PRG2: variants seen among roughly 807,000 people sequenced by gnomAD.
PRG2 encodes the protein bone marrow proteoglycan.
A neutral mutation model predicts 24.7 loss-of-function variants in PRG2; 23 were observed. That is an observed-to-expected ratio of 0.93 (90% CI 0.67 to 1.32). PRG2 has a LOEUF of 1.32. PRG2 is among the 40% of genes most tolerant of loss of function. The pLI is 0.00. For missense variants in PRG2, 271 were observed against 280.9 expected, an observed-to-expected ratio of 0.96 and a Z score of 0.25; for synonymous variants, 104 against 99.8, an observed-to-expected ratio of 1.04 and a Z score of -0.25.
intron 2 of PRG2, 126 bp downstream of exon 2, chr11:57,389,761 T>C (rs1590658683): frequency 1.1e-6 from 1 of 886,726 alleles, no homozygotes; most frequent in East Asian, 2.6e-5. Context: ...TCCCCATCCC[T>C]TTAAGCACAC....
At position 57,388,638 on chromosome 11, in the gene PRG2, T is replaced by C. The variant is rs977279203; in HGVS notation, c.437A>G (p.Gln146Arg). The C allele has an allele frequency of 1.2e-6, 2 of 1,613,932 alleles. No homozygotes were observed. Among genetic ancestry groups the C allele is most frequent in the African/African-American group, 2.7e-5 (2 of 74,916 alleles). The change falls in exon 4 of 6, where the codon CAG becomes CGG. Residue 146 changes from glutamine (Q) to arginine (R), a missense_variant. Transcript: ENST00000311862. ...IHNFNINYRI[Q>R]CSVSALNQGQ... ...CTGGTTGAGCGCGCTGACAGAACAC[T>C]GGATTCGATAATTAATATTGAAGTT... is the stretch of plus-strand genomic sequence containing the variant.
Position 57,389,251 on chromosome 11 carries a change from G to T in PRG2, c.125C>A (p.Pro42Gln), listed in dbSNP as rs372275680. 2 of 1,614,112 alleles carry T rather than the reference G, an allele frequency of 1.2e-6. No homozygotes were observed. The highest frequency in any genetic ancestry group is 2.2e-5 in the South Asian group (2 of 91,074). The part of the protein sequence containing the change: ...AKTLPEDEET[P>Q]EQEMEETPCR... ...AGGGGTCTCCTCCATCTCCTGCTCT[G>T]GTGTCTCCTCATCCTCAGGCAGCGT... The change falls in exon 3 of 6, where the codon CCA (proline) becomes CAA (glutamine). Residue 42 changes from proline (P) to glutamine (Q), a missense_variant. Pro to Gln is a moderately conservative substitution (Grantham distance 76, BLOSUM62 -1). Coordinates refer to ENST00000311862, the MANE Select transcript of PRG2 (RefSeq NM_002728.6).
At chr11:57,388,496 A>G (rs1013987922) in intron 4 of PRG2, 81 bp downstream of exon 4, 23 of 1,578,282 alleles carry the variant, frequency 1.5e-5, no homozygotes, top group African/African-American at 1.2e-4. Flanking sequence ...TATACAGGAG[A>G]AAAACAGACA....
chr11:57,388,605 A>C lies in PRG2; in HGVS notation c.470T>G (p.Val157Gly). The C allele has an allele frequency of 6.2e-7, 1 of 1,613,918 alleles. No homozygotes were observed. Among genetic ancestry groups the C allele is most frequent in the Non-Finnish European group, 8.5e-7 (1 of 1,179,864 alleles). Residue 157 changes from valine to glycine, a missense_variant, in exon 4 of 6, where the codon GTC (valine) becomes GGC (glycine). Physicochemically the swap from Val to Gly is moderately radical, Grantham distance 109 (BLOSUM62 -3). Coordinates refer to ENST00000311862, the MANE Select transcript of PRG2 (RefSeq NM_002728.6). ...CSVSALNQGQ[V>G]WIGGRITGSG... ...GCCTGTGATCCTGCCTCCAATCCAG[A>C]CTTGACCCTGGTTGAGCGCGCTGAC...
In PRG2 at chr11:57,387,786, CG is replaced by C; in HGVS notation, c.577del (p.Arg193AlafsTer99). The C allele has an allele frequency of 6.3e-7, 1 of 1,592,608 alleles. No homozygotes were observed. Among genetic ancestry groups the C allele is most frequent in the South Asian group, 1.1e-5 (1 of 87,140 alleles). On this transcript the variant is annotated frameshift_variant, in exon 5 of 6. Transcript: ENST00000311862. LOFTEE classifies it low-confidence loss of function (END_TRUNC). ...ACACAGGGCCACGCAGTGACCACCG[CG>C]GGACCAGGGCTGGTGAGCAGCCCAG... ...AYWAAHQPWS[R>X]GGHCVALCTR... is the part of the protein sequence containing the mutation.
At chr11:57,389,377 C>A in intron 2 of PRG2, 60 bp from the exon 3 acceptor site, 1 of 1,530,704 alleles carries the variant, frequency 6.5e-7, no homozygotes, top group African/African-American at 1.4e-5. Flanking sequence ...CTCCCCAGAA[C>A]CACAGACAGC....
At chr11:57,389,419 ACT>A (rs1310721223) in intron 2 of PRG2, 102 bp from the exon 3 acceptor site, 1 of 1,300,656 alleles carries the variant, frequency 7.7e-7, no homozygotes, top group Non-Finnish European at 1.0e-6. Context: ...AGAGTGCTCA[ACT>A]CTGCCTGGGA....
At position 57,389,275 on chromosome 11, in the gene PRG2, G is replaced by C. The variant is rs373649120; in HGVS notation, c.101C>G (p.Thr34Arg). 1 of 1,613,850 alleles carries C rather than the reference G, an allele frequency of 6.2e-7. No homozygotes were observed. The highest frequency in any genetic ancestry group is 8.5e-7 in the Non-Finnish European group (1 of 1,180,034). ...TGGTGTCTCCTCATCCTCAGGCAGC[G>C]TCTTAGCACCCAAAGGGGTCTCAAA... Reference protein sequence around the residue: ...STFETPLGAKTLPEDEETPEQ... With the variant: ...STFETPLGAKRLPEDEETPEQ... The change falls in exon 3 of 6, where the codon ACG becomes AGG. Residue 34 changes from threonine (T) to arginine (R), a missense_variant. Coordinates refer to ENST00000311862, the MANE Select transcript of PRG2 (RefSeq NM_002728.6).
intron 2 of PRG2, 27 bp downstream of exon 2, chr11:57,389,860 G>GA (rs1857123924): frequency 6.3e-7 from 1 of 1,578,598 alleles, no homozygotes; most frequent in Admixed American, 1.7e-5. Flanking sequence ...AACAGAGAAA[G>GA]AAAGACTGAA....
intron 3 of PRG2, 113 bp from the exon 4 acceptor site, chr11:57,388,821 T>C (rs1857099964): frequency 6.0e-6 from 9 of 1,495,090 alleles, no homozygotes; most frequent in Admixed American, 2.0e-5. Flanking sequence ...CATTTGAAGG[T>C]TGGAGACCAA....
chr11:57,389,081 C>T lies in PRG2; in HGVS notation c.295G>A (p.Val99Met). The T allele has an allele frequency of 6.2e-7, 1 of 1,614,182 alleles. No individual in the cohort carries two copies. Among genetic ancestry groups the T allele is most frequent in the Non-Finnish European group, 8.5e-7 (1 of 1,180,028 alleles). ...CPEEEDTVKV[V>M]GIPGCQTCRY... ...CAGGTCTGGCACCCAGGGATGCCCACCACTTTTACTGTGTCCTCTTCCTCA... is the reference window on the plus strand; with the variant it reads ...CAGGTCTGGCACCCAGGGATGCCCATCACTTTTACTGTGTCCTCTTCCTCA... Residue 99 changes from valine to methionine, a missense_variant, in exon 3 of 6, where the codon GTG becomes ATG. By Grantham distance (21) the Val-to-Met change is conservative. Coordinates refer to ENST00000311862, the MANE Select transcript of PRG2 (RefSeq NM_002728.6).
In PRG2 at chr11:57,388,612, C is replaced by A; in HGVS notation, c.463G>T (p.Gly155Cys). The A allele has an allele frequency of 6.2e-7, 1 of 1,613,862 alleles. No individual in the cohort carries two copies. Among genetic ancestry groups the A allele is most frequent in the Non-Finnish European group, 8.5e-7 (1 of 1,179,872 alleles). The change falls in exon 4 of 6, where the codon GGT becomes TGT. Residue 155 changes from glycine to cysteine, a missense_variant. By Grantham distance (159) the Gly-to-Cys change is radical. Coordinates refer to ENST00000311862, the MANE Select transcript of PRG2 (RefSeq NM_002728.6). The stretch of plus-strand genomic sequence containing the variant: ...ATCCTGCCTCCAATCCAGACTTGAC[C>A]CTGGTTGAGCGCGCTGACAGAACAC... ...IQCSVSALNQ[G>C]QVWIGGRITG...
At chr11:57,388,882 C>T in intron 3 of PRG2, 128 bp downstream of exon 3, 1 of 1,437,224 alleles carries the variant, frequency 7.0e-7, no homozygotes, top group Non-Finnish European at 9.3e-7. Flanking sequence ...CAACACCTCT[C>T]TGAGGCTCAG....
At chr11:57,390,484 T>C in intron 1 of PRG2, 112 bp downstream of exon 1, 1 of 678,810 alleles carries the variant, frequency 1.5e-6, no homozygotes, top group Non-Finnish European at 1.8e-6. Context: ...CCTCATAACC[T>C]GAAAGCCACA....
At position 57,387,270 on chromosome 11, in the gene PRG2, C is replaced by T; in HGVS notation, c.*205G>A. Reference sequence around the variant, plus strand: ...CAAGGAGTAGTAGCTTCTGACACTTCTATGAAAGTTGTGGTGTGGGGAGAG... The same window carrying T: ...CAAGGAGTAGTAGCTTCTGACACTTTTATGAAAGTTGTGGTGTGGGGAGAG... On this transcript the variant is annotated 3_prime_UTR_variant, in exon 6 of 6. Transcript: ENST00000311862. The T allele has an allele frequency of 1.9e-6, 1 of 530,870 alleles. No individual in the cohort carries two copies. The highest frequency in any genetic ancestry group is 3.3e-5 in the East Asian group (1 of 30,468). 32.9% of individuals were successfully genotyped at this position (530,870 alleles called of 1,614,324 possible).
At position 57,386,967 on chromosome 11, in the gene PRG2, C is replaced by T. The variant is rs1857055625; in HGVS notation, c.*508G>A. 6.6e-6 allele frequency: 1 copy of T among 152,346 alleles called. No individual in the cohort carries two copies. The highest frequency in any genetic ancestry group is 1.5e-5 in the Non-Finnish European group (1 of 68,162). The allele number at this position is 152,346 out of a possible 1,614,324, so 9.4% of individuals were successfully genotyped here. A position where few individuals can be genotyped will look rare whatever the true frequency, so the allele number is the denominator to read the frequency against. The stretch of plus-strand genomic sequence containing the variant: ...GGGGCCGGGGATTGCGGTACTTATA[C>T]ATTCATTCCTGAATGTTGTGGACTG... On this transcript the variant is annotated 3_prime_UTR_variant, in exon 6 of 6. Coordinates refer to ENST00000311862, the MANE Select transcript of PRG2 (RefSeq NM_002728.6).
rs2134476634 is a variant in PRG2, at chr11:57,390,608, C to T, written c.-25G>A. 1.0e-6 allele frequency: 1 copy of T among 985,532 alleles called. No homozygotes were observed. Among genetic ancestry groups the T allele is most frequent in the South Asian group, 4.7e-5 (1 of 21,282 alleles). 61.0% of individuals were successfully genotyped at this position (985,532 alleles called of 1,614,324 possible). On this transcript the variant is annotated 5_prime_UTR_variant, in exon 1 of 6. Transcript: ENST00000311862. Reference sequence around the variant, plus strand: ...AGAAAGCACTCACCCACCCAGAGACCTTCCTGGGTCTTTAGATCTTCCCAA... The same window carrying T: ...AGAAAGCACTCACCCACCCAGAGACTTTCCTGGGTCTTTAGATCTTCCCAA...
Position 57,389,201 on chromosome 11 carries a change from C to A in PRG2, c.175G>T (p.Glu59Ter), listed in dbSNP as rs1374292687. 1 of 1,614,098 alleles carries A rather than the reference C, an allele frequency of 6.2e-7. No individual in the cohort carries two copies. The highest frequency in any genetic ancestry group is 1.3e-5 in the African/African-American group (1 of 74,928). Reference protein sequence around the residue: ...TPCRELEEEEEWGSGSEDASK... With the variant: ...TPCRELEEEE ...GCATCTTCACTTCCAGAGCCCCACT[C>A]CTCCTCTTCCTCCAGCTCCCTGCAA... The change falls in exon 3 of 6, where the codon GAG becomes TAG. Residue 59 changes from glutamate (E) to a stop codon, truncating the protein, a stop_gained. Coordinates refer to ENST00000311862, the MANE Select transcript of PRG2 (RefSeq NM_002728.6). LOFTEE classifies it high-confidence loss of function.
chr11:57,387,950 G>T, intron 4 of PRG2, 85 bp from the exon 5 acceptor site: 1 of 1,003,286 alleles, frequency 1.0e-6, no homozygotes, highest in Non-Finnish European at 1.5e-6. Context: ...AGCTCTTTCT[G>T]CTGCCCACCG....
Sources: allele counts gnomAD v4.1 joint callset, GRCh38; gene constraint gnomAD v4.1.1; transcripts MANE v1.5; gene names NCBI Gene and HGNC (gene_info 2026-07-23, HGNC 2026-07-21).